The following L3HYPDH variants were observed in gnomAD, a reference collection of about 807,000 sequenced individuals.
The protein encoded by L3HYPDH is trans-3-hydroxy-L-proline dehydratase.
In L3HYPDH, 32 loss-of-function variants were observed where a neutral mutation model predicts 26.5. That is an observed-to-expected ratio of 1.21 (90% CI 0.91 to 1.62). The LOEUF (loss-of-function observed/expected upper bound fraction) is 1.62. L3HYPDH is among the 40% of genes most tolerant of loss of function. L3HYPDH has a pLI of 0.00. For missense variants in L3HYPDH, 554 were observed against 476.4 expected, an observed-to-expected ratio of 1.16 and a Z score of -1.52; for synonymous variants, 215 against 196.6, an observed-to-expected ratio of 1.09 and a Z score of -0.78.
upstream of L3HYPDH, among the ~76,000 whole-genome samples, chr14:59,486,415 C>T (rs1360734569): frequency 1.3e-5 from 2 of 152,168 alleles, no homozygotes; most frequent in Non-Finnish European, 2.9e-5. Context: ...CAGTTAAACT[C>T]AGAAGTATCC....
chr14:59,467,781 A>G (rs1889230932), downstream of L3HYPDH, among the ~76,000 whole-genome samples: 1 of 152,182 alleles, frequency 6.6e-6, no homozygotes, highest in Non-Finnish European at 1.5e-5. Flanking sequence ...TTGGTCTTCA[A>G]TACTCTGTAT....
chr14:59,478,128 A>C (rs1478943120), intron 2 of L3HYPDH, among the ~76,000 whole-genome samples: 1 of 152,252 alleles, frequency 6.6e-6, no homozygotes, highest in African/African-American at 2.4e-5. Context: ...GCTTAAATCT[A>C]TTCTGTACAC....
chr14:59,485,397 T>G, upstream of L3HYPDH: 3 of 333,550 alleles, frequency 9.0e-6, no homozygotes, highest in South Asian at 1.9e-4. Context: ...AGTCCGAAAT[T>G]TGTTAAAAGC....
chr14:59,478,305 T>G (rs1398049247), intron 2 of L3HYPDH, among the ~76,000 whole-genome samples: 1 of 152,204 alleles, frequency 6.6e-6, no homozygotes, highest in Non-Finnish European at 1.5e-5. Flanking sequence ...GGCTCACACC[T>G]GTAATCCCAA....
chr14:59,496,654 T>C, the L3HYPDH span, among the ~76,000 whole-genome samples: 2 of 152,228 alleles, frequency 1.3e-5, no homozygotes, highest in Non-Finnish European at 2.9e-5. Context: ...TTTCTGCTGA[T>C]TTGAGTGTAG....
At chr14:59,471,592 C>T (rs1005115782), downstream of L3HYPDH, among the ~76,000 whole-genome samples, 3 of 151,968 alleles carry the variant, frequency 2.0e-5, no homozygotes, top group Non-Finnish European at 4.4e-5. Context: ...GCTGACAATT[C>T]TAAATGAGGT....
chr14:59,465,908 C>T (rs1025559423), intron 1 of L3HYPDH, among the ~76,000 whole-genome samples: 2 of 152,140 alleles, frequency 1.3e-5, no homozygotes, highest in African/African-American at 4.8e-5. Flanking sequence ...TGGGGAAGTA[C>T]CCAAGAATTT....
At chr14:59,472,439 C>T (rs1372681864), downstream of L3HYPDH, among the ~76,000 whole-genome samples, 4 of 152,168 alleles carry the variant, frequency 2.6e-5, no homozygotes, top group African/African-American at 9.7e-5. Flanking sequence ...ACAGAGAACA[C>T]CCTGGCAGCA....
the L3HYPDH span, chr14:59,504,875 C>T: frequency 6.3e-6 from 1 of 158,496 alleles, no homozygotes; most frequent in African/African-American, 2.4e-5. Context: ...ATGCATCTTA[C>T]AACTGATGGC....
At chr14:59,494,321 A>C in the L3HYPDH span, among the ~76,000 whole-genome samples, 1 of 152,234 alleles carries the variant, frequency 6.6e-6, no homozygotes, top group Admixed American at 6.5e-5. Flanking sequence ...CTAACCACAG[A>C]ATGGATAAAC....
downstream of L3HYPDH, among the ~76,000 whole-genome samples, chr14:59,469,687 A>G (rs928601425): frequency 1.3e-5 from 2 of 151,788 alleles, no homozygotes; most frequent in Admixed American, 6.6e-5. Context: ...TGTGAATAGG[A>G]GCCAAGGGTC....
At chr14:59,471,170 G>A (rs1382434737), downstream of L3HYPDH, among the ~76,000 whole-genome samples, 3 of 152,080 alleles carry the variant, frequency 2.0e-5, no homozygotes, top group Non-Finnish European at 4.4e-5. Context: ...AAGTACAGCA[G>A]GAATGAACAC....
the L3HYPDH span, chr14:59,495,426 G>A: frequency 3.8e-6 from 2 of 526,724 alleles, no homozygotes; most frequent in Admixed American, 3.2e-5. Context: ...TCCTTATAAG[G>A]TGTCGTGAGG....
chr14:59,502,295 A>T, the L3HYPDH span, among the ~76,000 whole-genome samples: 1 of 152,232 alleles, frequency 6.6e-6, no homozygotes, highest in Non-Finnish European at 1.5e-5. Flanking sequence ...AAGCAGAAGT[A>T]TAAAGTGTCT....
the L3HYPDH span, among the ~76,000 whole-genome samples, chr14:59,493,124 A>C: frequency 6.6e-6 from 1 of 152,272 alleles, no homozygotes. Context: ...TTAAGAGATA[A>C]CTGGCTTCAG....
chr14:59,494,078 A>G, the L3HYPDH span, among the ~76,000 whole-genome samples: 4 of 151,818 alleles, frequency 2.6e-5, no homozygotes, highest in African/African-American at 9.7e-5. Context: ...AATTAAAGAT[A>G]AATGTGAAAA....
Position 59,476,086 on chromosome 14 carries a change from T to G in L3HYPDH, c.801+6A>C, listed in dbSNP as rs929839369. ...CTTTTGTCCCTAAACATTACAGTTTTAATACCTGTTCATCTGCAAAAACAC... is the reference window on the plus strand; with the variant it reads ...CTTTTGTCCCTAAACATTACAGTTTGAATACCTGTTCATCTGCAAAAACAC... On this transcript the variant is annotated splice_donor_region_variant and intron_variant, in intron 3 of 4. Transcript: ENST00000247194. 3.1e-6 allele frequency: 5 copies of G among 1,613,914 alleles called. No individual in the cohort carries two copies. Among genetic ancestry groups the G allele is most frequent in the Admixed American group, 1.7e-5 (1 of 59,962 alleles).
chr14:59,481,220 G>GT (rs1889995603), intron 1 of L3HYPDH, among the ~76,000 whole-genome samples: 2 of 152,140 alleles, frequency 1.3e-5, no homozygotes, highest in African/African-American at 4.8e-5. Flanking sequence ...CCAATTATCT[G>GT]TGACTATTTC....
At chr14:59,496,284 T>C in the L3HYPDH span, among the ~76,000 whole-genome samples, 1,116 of 150,932 alleles carry the variant, frequency 7.4e-3, 14 homozygotes, top group African/African-American at 0.025. Context: ...TAAAATACTA[T>C]ATAAAACACT....
Sources: gnomAD v4.1 joint callset for allele counts (sites outside exome capture counted in the v4.1 genomes callset) on GRCh38, gnomAD v4.1.1 for gene constraint, MANE v1.5 for transcripts, NCBI Gene and HGNC (gene_info 2026-07-23, HGNC 2026-07-21) for gene names.